The following DMD variants were observed in gnomAD, a reference collection of about 807,000 sequenced individuals.
DMD encodes the protein mutant dystrophin.
In DMD, 63 loss-of-function variants were observed where a neutral mutation model predicts 330.1. That is an observed-to-expected ratio of 0.19 (90% CI 0.16 to 0.24). DMD has a LOEUF of 0.24. Among genes scored for constraint, DMD ranks in the 10% least tolerant of loss-of-function variants. The pLI, the probability that DMD is intolerant of heterozygous loss-of-function variation, is 1.00. For missense variants in DMD, 3,344 were observed against 2,684.1 expected (o/e 1.25, Z -5.43); for synonymous variants, 1,223 against 959.8 (o/e 1.27, Z -5.07).
At chrX:31,858,487 G>A (rs1412323103) in intron 48 of DMD, among the ~76,000 whole-genome samples, 1 of 109,987 alleles carries the variant, frequency 9.1e-6, no homozygotes, top group African/African-American at 3.3e-5. Context: ...TCTCAAATAT[G>A]AGTGGAAGTT....
chrX:31,152,998 A>T (rs2037633045), intron 74 of DMD, among the ~76,000 whole-genome samples: 1 of 112,139 alleles, frequency 8.9e-6, no homozygotes, highest in Non-Finnish European at 1.9e-5. Flanking sequence ...GTGTACTTTA[A>T]TATTTTCCTC....
chrX:32,896,521 C>T (rs1410228589), intron 2 of DMD, among the ~76,000 whole-genome samples: 2 of 111,534 alleles, frequency 1.8e-5, no homozygotes, highest in Non-Finnish European at 3.8e-5. Flanking sequence ...AGAAAAAAAT[C>T]GGGGCCCTAA....
At chrX:32,643,393 C>A (rs2059593595) in intron 11 of DMD, among the ~76,000 whole-genome samples, 2 of 108,877 alleles carry the variant, frequency 1.8e-5, no homozygotes, top group Admixed American at 9.9e-5. Flanking sequence ...AAACTTAAGG[C>A]ATTTGGACAA....
chrX:32,465,923 C>T (rs2039978472), intron 23 of DMD, among the ~76,000 whole-genome samples: 2 of 111,036 alleles, frequency 1.8e-5, no homozygotes, highest in African/African-American at 6.6e-5. Context: ...TGCACTGGCT[C>T]GTTTTGATAT....
At chrX:31,230,258 A>G (rs2047064522) in intron 63 of DMD, among the ~76,000 whole-genome samples, 1 of 112,425 alleles carries the variant, frequency 8.9e-6, no homozygotes, top group Non-Finnish European at 1.9e-5. Flanking sequence ...TACAGAAAGT[A>G]CAGTCTGTGA....
intron 1 of DMD, among the ~76,000 whole-genome samples, chrX:33,265,874 T>C (rs1246386518): frequency 8.9e-6 from 1 of 111,841 alleles, no homozygotes; most frequent in African/African-American, 3.2e-5. Context: ...GTCATTTTAG[T>C]ACTAAATATT....
At chrX:32,655,144 G>C (rs13340757) in intron 9 of DMD, among the ~76,000 whole-genome samples, 29,366 of 110,146 alleles carry the variant, frequency 0.27, 5,518 homozygotes, top group African/African-American at 0.68. Flanking sequence ...TCCTTCAGTT[G>C]GGCTCTGATC....
In DMD at chrX:32,312,942, C is replaced by CAAAAAAAAAAAAAAAAAAAAAAAAAAA. The variant is rs767993498; in HGVS notation, c.5923-2667_5923-2666insTTTTTTTTTTTTTTTTTTTTTTTTTTT. Among the ~76,000 whole-genome samples, 28 of 20,400 alleles carry CAAAAAAAAAAAAAAAAAAAAAAAAAAA rather than the reference C, an allele frequency of 1.4e-3. 8 individuals carry two copies. Among genetic ancestry groups the CAAAAAAAAAAAAAAAAAAAAAAAAAAA allele is most frequent in the South Asian group, 7.9e-3 (1 of 126 alleles). 17.7% of individuals were successfully genotyped at this position (20,400 alleles called of 115,157 possible). A position where few individuals can be genotyped will look rare whatever the true frequency, so the allele number is the denominator to read the frequency against. On this transcript the variant is annotated intron_variant, in intron 41 of 78. Transcript: ENST00000357033. Reference sequence around the variant, plus strand: ...ATTGAGGCAGTAATAGCCTACGAACCAAAAAAAAAAAAAAAAAAAAAAGCC... The same window carrying CAAAAAAAAAAAAAAAAAAAAAAAAAAA: ...ATTGAGGCAGTAATAGCCTACGAACCAAAAAAAAAAAAAAAAAAAAAAAAAAAAAAAAAAAAAAAAAAAAAAAAAGCC...
At chrX:32,644,601 G>T (rs933647899) in intron 10 of DMD, among the ~76,000 whole-genome samples, 2 of 110,047 alleles carry the variant, frequency 1.8e-5, no homozygotes, top group Non-Finnish European at 3.8e-5. Context: ...TGAAGATGGA[G>T]GAAAAAGGAC....
At chrX:32,958,216 T>TTA (rs1048728278) in intron 2 of DMD, among the ~76,000 whole-genome samples, 1 of 111,655 alleles carries the variant, frequency 9.0e-6, no homozygotes, top group African/African-American at 3.2e-5. Context: ...TGGTATATGG[T>TTA]TATGTTATGC....
At chrX:31,875,532 C>T (rs761461731) in intron 47 of DMD, among the ~76,000 whole-genome samples, 159 bp from the exon 48 acceptor site, 7 of 112,167 alleles carry the variant, frequency 6.2e-5, no homozygotes, top group Non-Finnish European at 9.4e-5. Context: ...ACATATATTA[C>T]ATGTTGGGAT....
intron 18 of DMD, among the ~76,000 whole-genome samples, chrX:32,510,503 T>C (rs1250179442): frequency 8.9e-6 from 1 of 112,006 alleles, no homozygotes; most frequent in Non-Finnish European, 1.9e-5. Context: ...CCCACTAGAA[T>C]GTAAACTATA....
At chrX:32,721,915 G>T (rs2066360892) in intron 7 of DMD, among the ~76,000 whole-genome samples, 1 of 107,904 alleles carries the variant, frequency 9.3e-6, no homozygotes, top group Non-Finnish European at 1.9e-5. Context: ...TGAAGAGACT[G>T]TCCTTTCCCC....
intron 59 of DMD, among the ~76,000 whole-genome samples, chrX:31,455,476 G>C (rs1480776460): frequency 8.9e-6 from 1 of 111,917 alleles, no homozygotes; most frequent in African/African-American, 3.2e-5. Flanking sequence ...GCAGTCAAGA[G>C]AATTAGGCAC....
intron 1 of DMD, among the ~76,000 whole-genome samples, chrX:33,278,940 C>T (rs983880205): frequency 1.2e-4 from 13 of 111,431 alleles, no homozygotes; most frequent in South Asian, 7.5e-4. Flanking sequence ...TCAAGACCTA[C>T]GAAAACACTT....
At chrX:32,856,018 T>C (rs2081525657) in intron 2 of DMD, among the ~76,000 whole-genome samples, 1 of 111,441 alleles carries the variant, frequency 9.0e-6, no homozygotes, top group African/African-American at 3.3e-5. Context: ...TGAATAGAGA[T>C]TTCTCAAGAG....
At chrX:33,070,669 CTCTCTATATATATATATATA>C (rs1229306850) in intron 1 of DMD, among the ~76,000 whole-genome samples, 4 of 45,664 alleles carry the variant, frequency 8.8e-5, no homozygotes, top group African/African-American at 3.8e-4. Flanking sequence ...CTCTCTCTCT[CTCTCTATATATATATATATA>C]TATATATATA....
intron 41 of DMD, among the ~76,000 whole-genome samples, chrX:32,335,268 C>A (rs1404713246): frequency 2.8e-5 from 3 of 108,193 alleles, no homozygotes; most frequent in Non-Finnish European, 3.8e-5. Context: ...GTGGTGTGAT[C>A]CCTGCTGACT....
At chrX:32,327,518 T>C (rs2097657365) in intron 41 of DMD, among the ~76,000 whole-genome samples, 1 of 111,576 alleles carries the variant, frequency 9.0e-6, no homozygotes, top group Non-Finnish European at 1.9e-5. Flanking sequence ...GTTATAACTT[T>C]GCAAAATATG....
Sources: gnomAD v4.1 joint callset for allele counts (sites outside exome capture counted in the v4.1 genomes callset) on GRCh38, gnomAD v4.1.1 for gene constraint, MANE v1.5 for transcripts, NCBI Gene and HGNC (gene_info 2026-07-23, HGNC 2026-07-21) for gene names.